TM7SF3: variants seen among roughly 807,000 people sequenced by gnomAD.
The protein encoded by TM7SF3 is transmembrane 7 superfamily member 3, also known as seven span transmembrane protein.
Under a neutral mutation model 65.5 loss-of-function variants are expected in TM7SF3, and 60 were observed. That is an observed-to-expected ratio of 0.92 (90% CI 0.74 to 1.14). The LOEUF is 1.14. Ranked by LOEUF, TM7SF3 falls within the 50% of genes most tolerant of loss-of-function variation. TM7SF3 has a pLI of 0.00. For synonymous variants in TM7SF3, 264 were observed against 259.6 expected (o/e 1.02, Z -0.16); for missense variants, 623 against 684.8 (o/e 0.91, Z 1.01).
intron 5 of TM7SF3, among the ~76,000 whole-genome samples, chr12:26,994,256 T>A (rs1448132330): frequency 1.3e-5 from 2 of 152,182 alleles, no homozygotes; most frequent in Non-Finnish European, 2.9e-5. Flanking sequence ...CCATCAACCA[T>A]TAGACTGAAG....
chr12:26,985,891 G>GCCAGCTA (rs1940068316), intron 6 of TM7SF3, among the ~76,000 whole-genome samples: 3 of 123,720 alleles, frequency 2.4e-5, no homozygotes, highest in Non-Finnish European at 4.7e-5. Flanking sequence ...TTGGCTCACT[G>GCCAGCTA]CCAGCTCCGC....
At chr12:26,991,899 C>A (rs1592291694) in intron 5 of TM7SF3, among the ~76,000 whole-genome samples, 1 of 152,136 alleles carries the variant, frequency 6.6e-6, no homozygotes, top group African/African-American at 2.4e-5. Flanking sequence ...CTGTGCATGT[C>A]CTACCACAGT....
At chr12:26,990,133 T>A (rs1940282313) in intron 6 of TM7SF3, among the ~76,000 whole-genome samples, 1 of 152,198 alleles carries the variant, frequency 6.6e-6, no homozygotes, top group Non-Finnish European at 1.5e-5. Context: ...CTGGCCATGC[T>A]ATCTATCTCA....
chr12:26,983,543 C>T (rs1939908625), intron 6 of TM7SF3: 3 of 454,022 alleles, frequency 6.6e-6, no homozygotes, highest in South Asian at 4.7e-5. Context: ...TAAAATAATC[C>T]AGTGATAAAG....
chr12:27,000,600 C>T (rs147609881), intron 2 of TM7SF3, among the ~76,000 whole-genome samples: 8,358 of 152,152 alleles, frequency 0.055, 289 homozygotes, highest in Middle Eastern at 0.092. Flanking sequence ...GCTGGGACTA[C>T]AGGCGCCTGC....
intron 2 of TM7SF3, among the ~76,000 whole-genome samples, chr12:27,000,968 G>C (rs1259285957): frequency 6.6e-6 from 1 of 151,940 alleles, no homozygotes; most frequent in Admixed American, 6.6e-5. Context: ...GACTCAAGAG[G>C]TTCTATCAAA....
chr12:26,985,874 C>T (rs1161473380), intron 6 of TM7SF3, among the ~76,000 whole-genome samples: 3 of 97,606 alleles, frequency 3.1e-5, no homozygotes, highest in African/African-American at 4.2e-5. Flanking sequence ...AGTGCAGTGG[C>T]GCGATCTTGG....
intron 6 of TM7SF3, among the ~76,000 whole-genome samples, chr12:26,988,127 A>G (rs886258341): frequency 1.3e-5 from 2 of 152,084 alleles, no homozygotes; most frequent in African/African-American, 2.4e-5. Context: ...GTTAAATGCA[A>G]TGTGGGATCC....
rs200558294 is a variant in TM7SF3 at position 26,988,159 on chromosome 12, G to GA, written c.868+2290dup. Among the ~76,000 whole-genome samples the GA allele has an allele frequency of 4.7e-3, 712 of 151,686 alleles. 1 individual carries two copies. The highest frequency in any genetic ancestry group is 0.014 in the Middle Eastern group (4 of 294). On this transcript the variant is annotated intron_variant, in intron 6 of 11. Transcript: ENST00000343028. The stretch of plus-strand genomic sequence containing the variant: ...ATCCTAAACTGAACCCTGGACAGGG[G>GA]AAAAAAAAATTTGTTGACGGGGAGA...
chr12:27,007,576 T>A (rs1249843011), intron 1 of TM7SF3, among the ~76,000 whole-genome samples: 1 of 150,550 alleles, frequency 6.6e-6, no homozygotes, highest in East Asian at 1.9e-4. Context: ...CCTCTCCAGA[T>A]GAGTTAAATC....
intron 10 of TM7SF3, 34 bp from the exon 11 acceptor site, chr12:26,975,692 A>T: frequency 1.2e-6 from 2 of 1,607,716 alleles, no homozygotes; most frequent in Non-Finnish European, 1.7e-6. Context: ...GGCATCATCC[A>T]TGTTAGAACA....
chr12:26,988,908 C>T (rs779374883), intron 6 of TM7SF3, among the ~76,000 whole-genome samples: 3 of 152,006 alleles, frequency 2.0e-5, no homozygotes, highest in Admixed American at 6.5e-5. Context: ...AATGTGAAGA[C>T]GATGAAGATG....
chr12:26,975,574 T>A lies in TM7SF3; in HGVS notation c.1372A>T (p.Ile458Phe), dbSNP rs766925382. Residue 458 changes from isoleucine to phenylalanine, a missense_variant, in exon 11 of 12, where the codon ATC becomes TTC. Physicochemically the swap from Ile to Phe is conservative, Grantham distance 21. Transcript: ENST00000343028. ...GCTCTCTTGAGTACGTTCAAAGTGA[T>A]GTAGGAAAGGCTTGTGGACCAGTAA... Reference protein sequence around the residue: ...DSYWSTSLSYITLNVLKRALN... With the variant: ...DSYWSTSLSYFTLNVLKRALN... 1 of 1,614,192 alleles carries A rather than the reference T, an allele frequency of 6.2e-7. No individual in the cohort carries two copies. The highest frequency in any genetic ancestry group is 2.2e-5 in the East Asian group (1 of 44,880).
intron 5 of TM7SF3, among the ~76,000 whole-genome samples, chr12:26,992,710 G>A (rs1001464185): frequency 8.5e-5 from 13 of 152,162 alleles, no homozygotes; most frequent in Non-Finnish European, 7.3e-5. Context: ...ACTGCTCAGC[G>A]TTGCAAGAGT....
chr12:26,998,631 C>G (rs145011603), intron 3 of TM7SF3, among the ~76,000 whole-genome samples: 1 of 152,290 alleles, frequency 6.6e-6, no homozygotes, highest in Non-Finnish European at 1.5e-5. Context: ...TTCTGGATAT[C>G]TCAAATCCTG....
At position 26,976,268 on chromosome 12, in the gene TM7SF3, G is replaced by C. The variant is rs769858925; in HGVS notation, c.1279C>G (p.Leu427Val). 2 of 1,609,024 alleles carry C rather than the reference G, an allele frequency of 1.2e-6. No homozygotes were observed. Among genetic ancestry groups the C allele is most frequent in the Non-Finnish European group, 1.7e-6 (2 of 1,175,592 alleles). Residue 427 changes from leucine (L) to valine (V), a missense_variant, in exon 10 of 12, where the codon CTA becomes GTA. Coordinates refer to ENST00000343028, the MANE Select transcript of TM7SF3 (RefSeq NM_016551.3). ...TTTGATGAAACACTTACTATTCTTA[G>C]GCAGCCCATGAAAACTACTGGAATG... ...ILIPVVFMGC[L>V]RILNILTCGV...
At chr12:26,995,498 T>C in intron 4 of TM7SF3, 90 bp from the exon 5 acceptor site, 9 of 1,316,788 alleles carry the variant, frequency 6.8e-6, no homozygotes, top group Non-Finnish European at 9.5e-6. Flanking sequence ...TTCAAACACT[T>C]GCAACAATAA....
intron 1 of TM7SF3, among the ~76,000 whole-genome samples, chr12:27,004,713 A>G (rs1056384317): frequency 6.6e-6 from 1 of 152,234 alleles, no homozygotes; most frequent in Non-Finnish European, 1.5e-5. Flanking sequence ...TAACCTCTAT[A>G]TATTTTCCCT....
At chr12:26,996,648 A>C in intron 4 of TM7SF3, 94 bp downstream of exon 4, 56 of 1,304,872 alleles carry the variant, frequency 4.3e-5, no homozygotes, top group Non-Finnish European at 4.8e-5. Context: ...ATTTTACTAC[A>C]GAGAATTAGG....
Sources: allele counts gnomAD v4.1 joint callset (sites outside exome capture counted in the v4.1 genomes callset), GRCh38; gene constraint gnomAD v4.1.1; transcripts MANE v1.5; gene names NCBI Gene and HGNC (gene_info 2026-07-23, HGNC 2026-07-21).